The following UPP2 variants were observed in gnomAD, a reference collection of about 807,000 sequenced individuals.
UPP2 encodes the protein uridine phosphorylase 2.
A neutral mutation model predicts 26.7 loss-of-function variants in UPP2; 23 were observed. The ratio of observed to expected loss-of-function variants is 0.86; its 90% confidence interval spans 0.62 to 1.22. The LOEUF (loss-of-function observed/expected upper bound fraction) is 1.22. Ranked by LOEUF, UPP2 falls within the 50% of genes most tolerant of loss-of-function variation. The pLI is 0.00. For missense variants in UPP2, 387 were observed against 396.7 expected (o/e 0.98, Z 0.21); for synonymous variants, 127 against 141.3 (o/e 0.90, Z 0.72).
chr2:158,031,943 A>G (rs1190768308), intron 3 of UPP2, among the ~76,000 whole-genome samples: 1 of 152,180 alleles, frequency 6.6e-6, no homozygotes. Flanking sequence ...TCCCTCGAGT[A>G]TGTTCATCAT....
chr2:157,998,188 G>C (rs1683351448), intron 2 of UPP2, among the ~76,000 whole-genome samples: 1 of 152,056 alleles, frequency 6.6e-6, no homozygotes, highest in Non-Finnish European at 1.5e-5. Flanking sequence ...ACATTTAATG[G>C]GGATGCCATG....
intron 6 of UPP2, among the ~76,000 whole-genome samples, chr2:158,125,847 A>T (rs1469081419): frequency 6.6e-6 from 1 of 152,222 alleles, no homozygotes; most frequent in South Asian, 2.1e-4. Flanking sequence ...GGACACCTGG[A>T]TTCAGATGGT....
Position 158,053,924 on chromosome 2 carries a change from C to T in UPP2, c.147+38038C>T, listed in dbSNP as rs920112833. Among the ~76,000 whole-genome samples the T allele has an allele frequency of 2.6e-5, 4 of 152,110 alleles. No individual in the cohort carries two copies. The South Asian group carries it at 8.3e-4, about 32-fold the overall frequency. On this transcript the variant is annotated intron_variant, in intron 3 of 9. Transcript: ENST00000605860. The stretch of plus-strand genomic sequence containing the variant: ...GTTTTCTTTACCAGGTTTGATGGGA[C>T]AATGTAACTATCTGTCACAAGCATT...
chr2:158,031,429 A>T (rs887605040), intron 3 of UPP2, among the ~76,000 whole-genome samples: 1 of 152,190 alleles, frequency 6.6e-6, no homozygotes, highest in African/African-American at 2.4e-5. Context: ...TTCTTCATAC[A>T]TTTGATGATT....
At chr2:158,101,712 A>C (rs537712709), upstream of UPP2, among the ~76,000 whole-genome samples, 1 of 152,334 alleles carries the variant, frequency 6.6e-6, no homozygotes, top group South Asian at 2.1e-4. Flanking sequence ...GGGATCAAGG[A>C]CAGATGTAAG....
At chr2:158,024,611 G>T (rs1002606578) in intron 3 of UPP2, among the ~76,000 whole-genome samples, 1 of 152,272 alleles carries the variant, frequency 6.6e-6, no homozygotes. Flanking sequence ...TTAAAAGGAT[G>T]CAAGAAGAAA....
intron 3 of UPP2, 89 bp downstream of exon 3, chr2:158,115,348 A>C: frequency 2.8e-6 from 4 of 1,443,152 alleles, no homozygotes; most frequent in Non-Finnish European, 3.7e-6. Context: ...TTTTCCCTCC[A>C]GCTTCGCATT....
chr2:158,056,626 AG>A (rs1349819901), intron 3 of UPP2, among the ~76,000 whole-genome samples: 1 of 152,204 alleles, frequency 6.6e-6, no homozygotes, highest in African/African-American at 2.4e-5. Flanking sequence ...TTGGTGTCCC[AG>A]GGCTTACAGC....
intron 3 of UPP2, among the ~76,000 whole-genome samples, chr2:158,115,554 T>G (rs1375445936): frequency 6.6e-6 from 1 of 152,160 alleles, no homozygotes; most frequent in African/African-American, 2.4e-5. Flanking sequence ...GCCACGGCAA[T>G]TTTCCTTCTT....
intron 3 of UPP2, among the ~76,000 whole-genome samples, chr2:158,030,631 G>A (rs750833195): frequency 2.6e-4 from 40 of 152,194 alleles, no homozygotes; most frequent in Non-Finnish European, 4.7e-4. Context: ...TGCTTGGGCT[G>A]ATGTCTAAGC....
At chr2:158,130,784 CTG>C (rs1315718486) in intron 6 of UPP2, among the ~76,000 whole-genome samples, 1 of 152,134 alleles carries the variant, frequency 6.6e-6, no homozygotes, top group Non-Finnish European at 1.5e-5. Flanking sequence ...AATAATTTAA[CTG>C]GGAAGATGTT....
At chr2:158,034,057 G>A (rs1188552410) in intron 3 of UPP2, among the ~76,000 whole-genome samples, 1 of 152,140 alleles carries the variant, frequency 6.6e-6, no homozygotes, top group Non-Finnish European at 1.5e-5. Flanking sequence ...ACAGTGTAAG[G>A]CTCCACACTT....
At chr2:158,076,001 T>A (rs1174308699) in intron 3 of UPP2, among the ~76,000 whole-genome samples, 3 of 151,978 alleles carry the variant, frequency 2.0e-5, no homozygotes, top group African/African-American at 7.2e-5. Flanking sequence ...ACATTACAAC[T>A]GATTCCACTG....
intron 3 of UPP2, among the ~76,000 whole-genome samples, chr2:158,086,503 A>G (rs991234815): frequency 6.6e-6 from 1 of 151,536 alleles, no homozygotes; most frequent in Non-Finnish European, 1.5e-5. Context: ...TTCTGCTCTG[A>G]TCATTGTTAT....
chr2:158,028,731 C>T (rs1391914897), intron 3 of UPP2, among the ~76,000 whole-genome samples: 1 of 152,224 alleles, frequency 6.6e-6, no homozygotes, highest in Non-Finnish European at 1.5e-5. Flanking sequence ...ATTGGACTTA[C>T]AGTTCCACAT....
intron 3 of UPP2, among the ~76,000 whole-genome samples, chr2:158,054,000 A>G (rs892186753): frequency 1.3e-5 from 2 of 152,210 alleles, no homozygotes; most frequent in Non-Finnish European, 2.9e-5. Context: ...TGTGTTGAAT[A>G]AAAGTCTGCA....
chr2:158,127,048 A>C (rs1194861620), intron 6 of UPP2, among the ~76,000 whole-genome samples: 2 of 152,366 alleles, frequency 1.3e-5, no homozygotes, highest in East Asian at 3.9e-4. Flanking sequence ...TGAATTACTC[A>C]CTGAGTTTGG....
chr2:158,024,529 T>G (rs771333657), intron 3 of UPP2, among the ~76,000 whole-genome samples: 25 of 152,294 alleles, frequency 1.6e-4, no homozygotes, highest in South Asian at 4.1e-4. Context: ...TTTGAAGAGC[T>G]CAGAGAGTTA....
chr2:158,050,771 T>C (rs1682142272), intron 3 of UPP2, among the ~76,000 whole-genome samples: 1 of 152,148 alleles, frequency 6.6e-6, no homozygotes, highest in Non-Finnish European at 1.5e-5. Context: ...TGAAACAGGG[T>C]GGAACTCGAA....
Sources: gnomAD v4.1 joint callset for allele counts (sites outside exome capture counted in the v4.1 genomes callset) on GRCh38, gnomAD v4.1.1 for gene constraint, MANE v1.5 for transcripts, NCBI Gene and HGNC (gene_info 2026-07-23, HGNC 2026-07-21) for gene names.